Variants in NDC80 observed in about 807,000 individuals in gnomAD.
NDC80 encodes the protein NDC80 kinetochore complex component, also known as kinetochore protein NDC80 homolog.
A neutral mutation model predicts 89.3 loss-of-function variants in NDC80; 69 were observed. The observed-to-expected ratio is 0.77, with a 90% CI of 0.64 to 0.94. NDC80 has a LOEUF of 0.94. Among genes scored for constraint, NDC80 ranks in the 40% least tolerant of loss-of-function variants. The pLI is 0.00. For synonymous variants in NDC80, 243 were observed against 255.6 expected, an observed-to-expected ratio of 0.95 and a Z score of 0.47; for missense variants, 593 against 739.6, an observed-to-expected ratio of 0.80 and a Z score of 2.30.
chr18:2,616,305 G>A (rs1598249728), intron 16 of NDC80, 132 bp from the exon 17 acceptor site: 1 of 527,622 alleles, frequency 1.9e-6, no homozygotes. Context: ...GATTGCAGGA[G>A]TGAGCCACCA....
intron 13 of NDC80, among the ~76,000 whole-genome samples, chr18:2,605,098 A>C (rs1455349950): frequency 2.0e-5 from 3 of 152,166 alleles, no homozygotes; most frequent in Admixed American, 6.5e-5. Flanking sequence ...AAGAATGCCC[A>C]GGTGTCTTAT....
intron 1 of NDC80, among the ~76,000 whole-genome samples, chr18:2,572,239 C>A (rs2072518826): frequency 6.6e-6 from 1 of 152,180 alleles, no homozygotes; most frequent in Non-Finnish European, 1.5e-5. Context: ...AGGATTGTCA[C>A]CTTCCTGAAA....
intron 6 of NDC80, chr18:2,582,045 A>C (rs1474208321): frequency 8.0e-6 from 1 of 125,176 alleles, no homozygotes; most frequent in Non-Finnish European, 1.7e-5. Context: ...TTTTCGTTCT[A>C]TGGTGGTTTT....
intron 3 of NDC80, 88 bp from the exon 4 acceptor site, chr18:2,577,658 T>C (rs1402493194): frequency 1.6e-5 from 23 of 1,407,502 alleles, no homozygotes; most frequent in Non-Finnish European, 2.3e-5. Flanking sequence ...TTGATGTTGA[T>C]GTTAAAATGC....
Position 2,577,860 on chromosome 18 carries a change from A to G in NDC80, c.294A>G (p.Gln98=), listed in dbSNP as rs773345061. The part of the protein sequence containing the change: ...DKAFIQQCIR[Q]LCEFLTENGY... Reference sequence around the variant, plus strand: ...CATTCATTCAGCAGTGTATTCGACAACTCTGTGAGGTACTTTAGGATTTTA... The same window carrying G: ...CATTCATTCAGCAGTGTATTCGACAGCTCTGTGAGGTACTTTAGGATTTTA... Residue 98 remains glutamine, a synonymous_variant, in exon 4 of 17, where the codon CAA becomes CAG. Transcript: ENST00000261597. 1 of 1,613,746 alleles carries G rather than the reference A, an allele frequency of 6.2e-7. No individual in the cohort carries two copies. The highest frequency in any genetic ancestry group is 1.1e-5 in the South Asian group (1 of 91,002).
chr18:2,577,753 G>T lies in NDC80; in HGVS notation c.187G>T (p.Gly63Ter), dbSNP rs1163156168. The T allele has an allele frequency of 2.5e-6, 4 of 1,613,684 alleles. No individual in the cohort carries two copies. In the African/African-American group the frequency reaches 4.0e-5, roughly 16 times the overall value. The change falls in exon 4 of 17, where the codon GGA becomes TGA. Residue 63 changes from glycine to a stop codon, truncating the protein, a stop_gained. Coordinates refer to ENST00000261597, the MANE Select transcript of NDC80 (RefSeq NM_006101.3). LOFTEE classifies it high-confidence loss of function. ...TTAAAAATATATTTCCAGAACTAGTGGACATGGATCCCGGAATAGTCAACT... is the reference window on the plus strand; with the variant it reads ...TTAAAAATATATTTCCAGAACTAGTTGACATGGATCCCGGAATAGTCAACT... ...KVSLFGKRTS[G>*]HGSRNSQLGI...
chr18:2,598,185 C>T (rs1412120134), intron 11 of NDC80, among the ~76,000 whole-genome samples: 1 of 152,124 alleles, frequency 6.6e-6, no homozygotes, highest in African/African-American at 2.4e-5. Flanking sequence ...CCATTGCATT[C>T]CTTCACTCAA....
chr18:2,606,615 C>G (rs774878286), intron 14 of NDC80, 108 bp downstream of exon 14: 6 of 555,680 alleles, frequency 1.1e-5, no homozygotes, highest in Admixed American at 3.7e-5. Context: ...TATATATATC[C>G]TATAATTTGT....
At chr18:2,579,801 A>C (rs2072566992) in intron 6 of NDC80, among the ~76,000 whole-genome samples, 1 of 152,312 alleles carries the variant, frequency 6.6e-6, no homozygotes, top group East Asian at 1.9e-4. Flanking sequence ...TTTGATACAT[A>C]CCGACAAATT....
intron 6 of NDC80, among the ~76,000 whole-genome samples, chr18:2,581,887 G>A (rs1295874684): frequency 6.6e-6 from 1 of 151,904 alleles, no homozygotes. Context: ...ACAAAATCTT[G>A]TGATTTTGTT....
At chr18:2,608,418 C>A (rs1157226702) in intron 14 of NDC80, among the ~76,000 whole-genome samples, 2 of 151,946 alleles carry the variant, frequency 1.3e-5, no homozygotes, top group African/African-American at 4.8e-5. Context: ...GCTGGCCAGG[C>A]TGGTCTCAAA....
At chr18:2,574,241 G>C (rs2072534404) in intron 2 of NDC80, among the ~76,000 whole-genome samples, 2 of 152,170 alleles carry the variant, frequency 1.3e-5, no homozygotes, top group Non-Finnish European at 2.9e-5. Flanking sequence ...GAAATAGGGA[G>C]AGATCTGTTA....
At chr18:2,587,701 A>G (rs905780706) in intron 7 of NDC80, 129 bp from the exon 8 acceptor site, 2 of 640,204 alleles carry the variant, frequency 3.1e-6, no homozygotes, top group Admixed American at 2.6e-5. Flanking sequence ...TCTCTTATTT[A>G]TAGGTTCATC....
At position 2,589,197 on chromosome 18, in the gene NDC80, T is replaced by A; in HGVS notation, c.764-7T>A. 1 of 1,594,394 alleles carries A rather than the reference T, an allele frequency of 6.3e-7. No homozygotes were observed. ...GGTCTTAAAAAGCTTTTGGATTTTG[T>A]CTCCAGAGGATTTATTTAATGTGGA... On this transcript the variant is annotated splice_polypyrimidine_tract_variant and splice_region_variant and intron_variant, in intron 8 of 16. Coordinates refer to ENST00000261597, the MANE Select transcript of NDC80 (RefSeq NM_006101.3).
chr18:2,583,144 C>T (rs2072586654), intron 6 of NDC80, among the ~76,000 whole-genome samples: 1 of 152,166 alleles, frequency 6.6e-6, no homozygotes, highest in Non-Finnish European at 1.5e-5. Context: ...CAAATCTATA[C>T]TTTTTATATC....
intron 15 of NDC80, among the ~76,000 whole-genome samples, chr18:2,609,140 T>C (rs2072729773): frequency 6.6e-6 from 1 of 152,184 alleles, no homozygotes; most frequent in South Asian, 2.1e-4. Flanking sequence ...AATTTGGCTG[T>C]TAGTGAATTT....
intron 7 of NDC80, among the ~76,000 whole-genome samples, chr18:2,587,038 A>G (rs963679006): frequency 3.3e-5 from 5 of 152,202 alleles, no homozygotes; most frequent in Non-Finnish European, 7.3e-5. Flanking sequence ...ATGAAAATGT[A>G]TTAATTTACC....
intron 16 of NDC80, among the ~76,000 whole-genome samples, chr18:2,613,320 AC>A (rs1306594716): frequency 6.6e-6 from 1 of 152,192 alleles, no homozygotes; most frequent in Admixed American, 6.5e-5. Flanking sequence ...TTACAGAAAA[AC>A]TTTGCTTTTC....
chr18:2,603,361 A>G (rs2072694298), intron 13 of NDC80, among the ~76,000 whole-genome samples: 1 of 124,590 alleles, frequency 8.0e-6, no homozygotes, highest in Non-Finnish European at 1.6e-5. Context: ...TTATACATAT[A>G]TATATATATA....
Sources: gnomAD v4.1 joint callset for allele counts (sites outside exome capture counted in the v4.1 genomes callset) on GRCh38, gnomAD v4.1.1 for gene constraint, MANE v1.5 for transcripts, NCBI Gene and HGNC (gene_info 2026-07-23, HGNC 2026-07-21) for gene names.